PTPRK: variants seen among roughly 807,000 people sequenced by gnomAD.
PTPRK encodes the protein protein tyrosine phosphatase receptor type K.
Under a neutral mutation model 178.0 loss-of-function variants are expected in PTPRK, and 75 were observed. The observed-to-expected ratio is 0.42, with a 90% CI of 0.35 to 0.51. PTPRK has a LOEUF of 0.51. PTPRK is among the 20% of genes least tolerant of loss of function. The pLI is 0.02. For missense variants in PTPRK, 1,441 were observed against 1,797.8 expected (o/e 0.80, Z 3.59); for synonymous variants, 637 against 620.6 (o/e 1.03, Z -0.39).
chr6:128,104,292 T>C (rs1047279957), intron 7 of PTPRK, among the ~76,000 whole-genome samples: 2 of 152,198 alleles, frequency 1.3e-5, no homozygotes, highest in Non-Finnish European at 2.9e-5. Flanking sequence ...AGTGGTGCGA[T>C]CTCGGCTCAC....
rs372939108 is a variant in PTPRK at position 128,410,027 on chromosome 6, T to C, written c.101-12339A>G. ...GGTCAAGTCCTTTCCTAACCCCTCC[T>C]TTTAGCCCTCACCATTATGATTAAT... On this transcript the variant is annotated intron_variant, in intron 1 of 29. Transcript: ENST00000368226. Among the ~76,000 whole-genome samples, 90 of 152,294 alleles carry C rather than the reference T, an allele frequency of 5.9e-4. 1 individual carries two copies. The highest frequency in any genetic ancestry group is 5.3e-3 in the Admixed American group (81 of 15,298).
At chr6:128,103,226 TC>T (rs1442030848) in intron 7 of PTPRK, among the ~76,000 whole-genome samples, 1 of 151,830 alleles carries the variant, frequency 6.6e-6, no homozygotes, top group African/African-American at 2.4e-5. Context: ...CAGGGGAAGA[TC>T]ATCTTCCCAC....
At chr6:128,300,875 T>TA (rs1246807767) in intron 3 of PTPRK, among the ~76,000 whole-genome samples, 2 of 151,870 alleles carry the variant, frequency 1.3e-5, no homozygotes, top group South Asian at 4.2e-4. Flanking sequence ...AAATAAAATT[T>TA]AAAAAAAATT....
At chr6:128,282,992 GA>G (rs1821917120) in intron 3 of PTPRK, among the ~76,000 whole-genome samples, 1 of 152,128 alleles carries the variant, frequency 6.6e-6, no homozygotes, top group Non-Finnish European at 1.5e-5. Context: ...GTCCTATGTG[GA>G]AAACAAGAAA....
intron 7 of PTPRK, among the ~76,000 whole-genome samples, chr6:128,147,693 GTAC>G (rs1345952326): frequency 1.3e-5 from 2 of 152,026 alleles, no homozygotes; most frequent in Non-Finnish European, 2.9e-5. Flanking sequence ...TATCACACAA[GTAC>G]ATATGAGGAT....
At chr6:128,233,059 A>G (rs1037764723) in intron 5 of PTPRK, among the ~76,000 whole-genome samples, 1 of 152,262 alleles carries the variant, frequency 6.6e-6, no homozygotes, top group Admixed American at 6.5e-5. Context: ...GCTTACCTTC[A>G]TTATAATAAG....
At chr6:128,434,430 C>A (rs537114780) in intron 1 of PTPRK, among the ~76,000 whole-genome samples, 1 of 152,088 alleles carries the variant, frequency 6.6e-6, no homozygotes, top group South Asian at 2.1e-4. Flanking sequence ...ACACAACACC[C>A]GGGGCAATTG....
chr6:128,507,733 T>C (rs932443710), intron 1 of PTPRK, among the ~76,000 whole-genome samples: 5 of 152,174 alleles, frequency 3.3e-5, no homozygotes, highest in African/African-American at 1.2e-4. Context: ...CCAGGGATTA[T>C]GCATGTGAAT....
At chr6:128,240,209 T>C in intron 4 of PTPRK, 59 bp from the exon 5 acceptor site, 1 of 1,243,286 alleles carries the variant, frequency 8.0e-7, no homozygotes, top group Non-Finnish European at 1.2e-6. Context: ...TATGCCATGT[T>C]ACTTTTCTCC....
intron 2 of PTPRK, 41 bp from the exon 3 acceptor site, chr6:128,322,351 A>T (rs1828921077): frequency 6.7e-7 from 1 of 1,486,866 alleles, no homozygotes; most frequent in Non-Finnish European, 9.3e-7. Context: ...AGAGATATAT[A>T]AGCAAAGGGA....
At chr6:128,418,353 G>A (rs950939258) in intron 1 of PTPRK, among the ~76,000 whole-genome samples, 1 of 152,190 alleles carries the variant, frequency 6.6e-6, no homozygotes, top group Non-Finnish European at 1.5e-5. Context: ...ACTGGTACAT[G>A]TCTGTGGCTT....
Position 128,298,604 on chromosome 6 carries a change from A to G in PTPRK, c.495+23435T>C, listed in dbSNP as rs867791343. 6.8e-3 allele frequency among the ~76,000 whole-genome samples: 1,035 copies of G among 152,264 alleles called. 9 individuals are homozygous for G. The highest frequency in any genetic ancestry group is 0.024 in the African/African-American group (1,000 of 41,526). ...AAATGTAATCCAGCATATAAACAGA[A>G]CAAAAGACAAAAACCACATGATTAT... is the stretch of plus-strand genomic sequence containing the variant. On this transcript the variant is annotated intron_variant, in intron 3 of 29. Coordinates refer to ENST00000368226, the MANE Select transcript of PTPRK (RefSeq NM_002844.4).
At chr6:128,409,698 G>C (rs566695639) in intron 1 of PTPRK, among the ~76,000 whole-genome samples, 3 of 152,222 alleles carry the variant, frequency 2.0e-5, no homozygotes, top group African/African-American at 7.2e-5. Context: ...TTGTGGGAGG[G>C]GGCCGATGGG....
intron 2 of PTPRK, among the ~76,000 whole-genome samples, chr6:128,347,103 T>G (rs1403794358): frequency 6.6e-6 from 1 of 152,132 alleles, no homozygotes; most frequent in East Asian, 1.9e-4. Flanking sequence ...CCTGCACCAG[T>G]AAATAAAGCT....
chr6:128,217,672 C>A (rs1809594256), intron 6 of PTPRK, among the ~76,000 whole-genome samples: 1 of 152,118 alleles, frequency 6.6e-6, no homozygotes, highest in South Asian at 2.1e-4. Context: ...ATCTCATATT[C>A]TCCTTCCAGC....
intron 2 of PTPRK, among the ~76,000 whole-genome samples, chr6:128,387,756 A>G (rs1032947357): frequency 3.3e-5 from 5 of 152,176 alleles, no homozygotes; most frequent in Admixed American, 6.5e-5. Flanking sequence ...ATGGCAGGTT[A>G]GAAAGATAAG....
intron 2 of PTPRK, among the ~76,000 whole-genome samples, chr6:128,367,410 G>C (rs1835661060): frequency 6.6e-6 from 1 of 152,072 alleles, no homozygotes; most frequent in Admixed American, 6.6e-5. Flanking sequence ...ACCCACTTGG[G>C]CCCAAAGTAG....
chr6:128,256,705 G>A (rs954279452), intron 3 of PTPRK, among the ~76,000 whole-genome samples: 1 of 151,912 alleles, frequency 6.6e-6, no homozygotes, highest in South Asian at 2.1e-4. Context: ...CAAAGTGCTG[G>A]GATTACAGGC....
At chr6:128,478,617 G>T (rs1270287786) in intron 1 of PTPRK, among the ~76,000 whole-genome samples, 1 of 152,048 alleles carries the variant, frequency 6.6e-6, no homozygotes, top group Non-Finnish European at 1.5e-5. Context: ...TGAGTTTTGG[G>T]GGTTTTCTGT....
Sources: allele counts gnomAD v4.1 joint callset (sites outside exome capture counted in the v4.1 genomes callset), GRCh38; gene constraint gnomAD v4.1.1; transcripts MANE v1.5; gene names NCBI Gene and HGNC (gene_info 2026-07-23, HGNC 2026-07-21).